Variants in CDH2 observed in about 807,000 individuals in gnomAD.
The protein encoded by CDH2 is cadherin 2.
Under a neutral mutation model 92.0 loss-of-function variants are expected in CDH2, and 17 were observed. That is an observed-to-expected ratio of 0.18 (90% confidence interval 0.13 to 0.28). CDH2 has a LOEUF of 0.28. Among genes scored for constraint, CDH2 ranks in the 10% least tolerant of loss-of-function variants. The pLI is 1.00. For synonymous variants in CDH2, 419 were observed against 415.9 expected (o/e 1.01, Z -0.09); for missense variants, 862 against 1,133.1 (o/e 0.76, Z 3.44).
intron 14 of CDH2, among the ~76,000 whole-genome samples, chr18:27,972,947 T>A (rs921628042): frequency 6.6e-5 from 10 of 152,088 alleles, no homozygotes; most frequent in African/African-American, 2.4e-4. Context: ...CTAAACAGAA[T>A]TAGGTGAAGA....
At chr18:27,989,861 CA>C (rs1329340844) in intron 10 of CDH2, among the ~76,000 whole-genome samples, 1 of 152,074 alleles carries the variant, frequency 6.6e-6, no homozygotes, top group East Asian at 1.9e-4. Flanking sequence ...TACAGAGAAA[CA>C]AGAACAGCTT....
Position 28,103,927 on chromosome 18 carries a change from T to C in CDH2, c.172+43746A>G, listed in dbSNP as rs138865260. ...AGAAATTTTAAATACTATTAATTTT[T>C]TTTGGTTCTACAATAGAAAAATGGG... On this transcript the variant is annotated intron_variant, in intron 2 of 15. Coordinates refer to ENST00000269141, the MANE Select transcript of CDH2 (RefSeq NM_001792.5). 8.6e-3 allele frequency among the ~76,000 whole-genome samples: 1,313 copies of C among 152,258 alleles called. 10 individuals carry two copies. The highest frequency in any genetic ancestry group is 0.015 in the Non-Finnish European group (987 of 68,010).
At chr18:27,946,641 A>G (rs1807497918), downstream of CDH2, among the ~76,000 whole-genome samples, 1 of 152,042 alleles carries the variant, frequency 6.6e-6, no homozygotes, top group African/African-American at 2.4e-5. Flanking sequence ...CAATCTTCCT[A>G]ATTACTTATT....
At chr18:27,978,191 G>A (rs2011913081) in intron 14 of CDH2, among the ~76,000 whole-genome samples, 1 of 152,072 alleles carries the variant, frequency 6.6e-6, no homozygotes, top group Non-Finnish European at 1.5e-5. Flanking sequence ...TAAAAAATAA[G>A]ATAAATGGTT....
chr18:28,103,580 C>A (rs1157454771), intron 2 of CDH2, among the ~76,000 whole-genome samples: 1 of 151,522 alleles, frequency 6.6e-6, no homozygotes, highest in African/African-American at 2.4e-5. Context: ...TATACACATG[C>A]CATGGTGGTT....
Position 28,177,054 on chromosome 18 carries a change from AGGAGGCGGCGGCGGC to A in CDH2, c.-47_-33del, listed in dbSNP as rs1164949071. ...GGAGAGGGGCCGAGCGAAGAGCCGG[AGGAGGCGGCGGCGGC>A]GGCGGCGGCGGCGGAGGAGGAGGAG... is the stretch of plus-strand genomic sequence containing the variant. On this transcript the variant is annotated 5_prime_UTR_variant, in exon 1 of 16. Transcript: ENST00000269141. 1 of 1,434,686 alleles carries A rather than the reference AGGAGGCGGCGGCGGC, an allele frequency of 7.0e-7. No individual in the cohort carries two copies. Among genetic ancestry groups the A allele is most frequent in the Non-Finnish European group, 9.2e-7 (1 of 1,083,868 alleles). The allele number at this position is 1,434,686 out of a possible 1,614,324, so 88.9% of individuals were successfully genotyped here.
intron 2 of CDH2, among the ~76,000 whole-genome samples, chr18:28,109,081 T>C (rs2015369120): frequency 2.0e-5 from 3 of 152,262 alleles, no homozygotes; most frequent in East Asian, 1.9e-4. Context: ...CATGGGAGAA[T>C]AATTAGGCTG....
At chr18:27,970,316 T>C (rs2011625952) in intron 14 of CDH2, among the ~76,000 whole-genome samples, 1 of 152,092 alleles carries the variant, frequency 6.6e-6, no homozygotes, top group African/African-American at 2.4e-5. Flanking sequence ...TCACCTCGAG[T>C]TCCAATTTCT....
chr18:28,129,608 G>C (rs941128886), intron 2 of CDH2, among the ~76,000 whole-genome samples: 1 of 152,124 alleles, frequency 6.6e-6, no homozygotes, highest in African/African-American at 2.4e-5. Flanking sequence ...TGGGAGGATT[G>C]CTCCAGGCCA....
rs1427781975 is a variant in CDH2 at position 27,985,755 on chromosome 18, G to A, written c.1748C>T (p.Pro583Leu). 6.3e-7 allele frequency: 1 copy of A among 1,584,580 alleles called. No individual in the cohort carries two copies. Among genetic ancestry groups the A allele is most frequent in the South Asian group, 1.1e-5 (1 of 89,368 alleles). ...CAGCGTTCCTGTTCCACTCATAGGA[G>A]GAATTCCTGAAAAGAGAGAAAAATC... ...ATFLASDNGI[P>L]PMSGTGTLQI... Residue 583 changes from proline (P) to leucine (L), a missense_variant, in exon 12 of 16, where the codon CCT (proline) becomes CTT (leucine). By Grantham distance (98) the Pro-to-Leu change is moderately conservative. Coordinates refer to ENST00000269141, the MANE Select transcript of CDH2 (RefSeq NM_001792.5).
intron 2 of CDH2, among the ~76,000 whole-genome samples, chr18:28,069,384 G>A (rs1277475965): frequency 1.3e-5 from 2 of 152,104 alleles, no homozygotes; most frequent in Non-Finnish European, 2.9e-5. Context: ...TGGCTCAAAG[G>A]ATGACAAATT....
At chr18:28,007,037 T>C (rs1315552415) in intron 5 of CDH2, among the ~76,000 whole-genome samples, 1 of 150,602 alleles carries the variant, frequency 6.6e-6, no homozygotes, top group Non-Finnish European at 1.5e-5. Flanking sequence ...GCTGGGTGCC[T>C]GTAATCCCAG....
At chr18:28,103,300 T>TTA (rs66502168) in intron 2 of CDH2, among the ~76,000 whole-genome samples, 3 of 143,090 alleles carry the variant, frequency 2.1e-5, no homozygotes, top group East Asian at 2.0e-4. Context: ...AAAAACTCCT[T>TTA]TATATATATA....
chr18:28,010,668 G>GT (rs760034959), intron 4 of CDH2, among the ~76,000 whole-genome samples: 4,988 of 142,430 alleles, frequency 0.035, 118 homozygotes, highest in African/African-American at 0.069. Flanking sequence ...TAAAATCTAG[G>GT]TTTTTTTTTT....
chr18:28,043,028 A>C (rs1279590894), intron 2 of CDH2, among the ~76,000 whole-genome samples: 1 of 152,304 alleles, frequency 6.6e-6, no homozygotes, highest in East Asian at 1.9e-4. Flanking sequence ...GCCAATATTA[A>C]AGCAAGAATT....
intron 2 of CDH2, among the ~76,000 whole-genome samples, chr18:28,111,835 C>T (rs2015418225): frequency 6.6e-6 from 1 of 152,106 alleles, no homozygotes; most frequent in South Asian, 2.1e-4. Flanking sequence ...TTCTATGATT[C>T]TGTTCTGAAC....
chr18:28,149,430 ATGAT>A (rs371245322), intron 1 of CDH2, among the ~76,000 whole-genome samples: 145 of 152,366 alleles, frequency 9.5e-4, no homozygotes, highest in African/African-American at 3.2e-3. Flanking sequence ...AGTTCCATGT[ATGAT>A]TAAGATATAA....
At chr18:28,045,503 T>C (rs2014056607) in intron 2 of CDH2, 1 of 452,656 alleles carries the variant, frequency 2.2e-6, no homozygotes, top group African/African-American at 2.0e-5. Flanking sequence ...TTCATTTCCA[T>C]TGTATTCAAT....
chr18:28,049,399 G>A (rs1469046154), intron 2 of CDH2, among the ~76,000 whole-genome samples: 6 of 152,126 alleles, frequency 3.9e-5, no homozygotes, highest in South Asian at 2.1e-4. Flanking sequence ...TACCTTCTGC[G>A]AGAGAGGAAA....
Sources: gnomAD v4.1 joint callset for allele counts (sites outside exome capture counted in the v4.1 genomes callset) on GRCh38, gnomAD v4.1.1 for gene constraint, MANE v1.5 for transcripts, NCBI Gene and HGNC (gene_info 2026-07-23, HGNC 2026-07-21) for gene names.